The following PLGRKT variants were observed in gnomAD, a reference collection of about 807,000 sequenced individuals.
The protein encoded by PLGRKT is plasminogen receptor with a C-terminal lysine.
PLGRKT carries 22 observed loss-of-function variants against 18.5 expected under a neutral mutation model. The ratio of observed to expected loss-of-function variants is 1.19; its 90% confidence interval spans 0.85 to 1.70. PLGRKT has a LOEUF of 1.70. Among genes scored for constraint, PLGRKT ranks in the 40% most tolerant of loss-of-function variants. PLGRKT has a pLI of 0.00. For synonymous variants in PLGRKT, 72 were observed against 52.8 expected, an observed-to-expected ratio of 1.36 and a Z score of -1.58; for missense variants, 235 against 174.4, an observed-to-expected ratio of 1.35 and a Z score of -1.96.
At chr9:5,360,160 T>C (rs1817230921) in intron 5 of PLGRKT, among the ~76,000 whole-genome samples, 1 of 152,242 alleles carries the variant, frequency 6.6e-6, no homozygotes, top group African/African-American at 2.4e-5. Context: ...AAACAACTTA[T>C]TTGCTGAACT....
intron 3 of PLGRKT, among the ~76,000 whole-genome samples, chr9:5,392,139 C>G (rs1160100691): frequency 6.6e-6 from 1 of 151,884 alleles, no homozygotes; most frequent in East Asian, 1.9e-4. Context: ...GGTTTTTTTC[C>G]ACTTAAATCT....
At chr9:5,365,816 C>A (rs951089771) in intron 3 of PLGRKT, among the ~76,000 whole-genome samples, 1 of 152,108 alleles carries the variant, frequency 6.6e-6, no homozygotes, top group African/African-American at 2.4e-5. Context: ...TAAAACTACT[C>A]TCAAATTTAA....
chr9:5,412,203 A>T (rs1818379033), intron 3 of PLGRKT, among the ~76,000 whole-genome samples: 1 of 152,236 alleles, frequency 6.6e-6, no homozygotes, highest in Non-Finnish European at 1.5e-5. Flanking sequence ...ACTGGGGGTA[A>T]AGATAGACTT....
rs894245436 is a variant in PLGRKT at position 5,418,358 on chromosome 9, G to C, written c.81+13539C>G. 3 of 711,662 alleles carry C rather than the reference G, an allele frequency of 4.2e-6. No homozygotes were observed. Among genetic ancestry groups the C allele is most frequent in the African/African-American group, 3.5e-5 (2 of 56,626 alleles). The allele number at this position is 711,662 out of a possible 1,614,324, so 44.1% of individuals were successfully genotyped here. On this transcript the variant is annotated intron_variant, in intron 3 of 5. Transcript: ENST00000223864. This position sits in a 1 kb window ranked among gnomAD's most constrained non-coding sequence, Gnocchi z 4.2. ...GTTGGCACCCACAAGAGACTTCCCT[G>C]CAGCCCTCTCCAGCCACAAGATGTC... is the stretch of plus-strand genomic sequence containing the variant.
At chr9:5,420,760 C>T (rs1006408910) in intron 3 of PLGRKT, among the ~76,000 whole-genome samples, 1 of 152,284 alleles carries the variant, frequency 6.6e-6, no homozygotes, top group African/African-American at 2.4e-5. Context: ...CACCAAAAGC[C>T]TCTCTAAAAG....
rs73639298 is a variant in PLGRKT, at chr9:5,388,642, C to A, written c.82-26754G>T. On this transcript the variant is annotated intron_variant, in intron 3 of 5. Transcript: ENST00000223864. ...GAATAGCCCAAGGGCATGAGCCTAG[C>A]CCTCAGTCGCCCTGGTCCTAAAGGT... 3.4e-3 allele frequency among the ~76,000 whole-genome samples: 524 copies of A among 152,148 alleles called. 21 individuals carry two copies. The highest frequency in any genetic ancestry group is 0.012 in the African/African-American group (480 of 41,398).
At chr9:5,388,528 T>C (rs963260699) in intron 3 of PLGRKT, among the ~76,000 whole-genome samples, 6 of 151,944 alleles carry the variant, frequency 3.9e-5, no homozygotes, top group African/African-American at 1.5e-4. Flanking sequence ...TAATAAGTCT[T>C]CACAAACTGG....
rs551691405 is a variant in PLGRKT, at chr9:5,432,865, G to A, written c.-6-882C>T. Among the ~76,000 whole-genome samples, 20 of 152,234 alleles carry A rather than the reference G, an allele frequency of 1.3e-4. No homozygotes were observed. In the East Asian group the frequency reaches 3.3e-3, roughly 25 times the overall value. ...TGGCTACAACCTCCACCTCCCAGCCGCCTGCCTTGGCCTCCCAAAGTGCTA... is the reference window on the plus strand; with the variant it reads ...TGGCTACAACCTCCACCTCCCAGCCACCTGCCTTGGCCTCCCAAAGTGCTA... On this transcript the variant is annotated intron_variant, in intron 2 of 5. Transcript: ENST00000223864.
At chr9:5,377,298 C>T (rs1221278231) in intron 3 of PLGRKT, among the ~76,000 whole-genome samples, 1 of 151,374 alleles carries the variant, frequency 6.6e-6, no homozygotes, top group South Asian at 2.1e-4. Flanking sequence ...TTAAACAAGG[C>T]TGTTTTGAAA....
chr9:5,388,084 C>T (rs891601632), intron 3 of PLGRKT, among the ~76,000 whole-genome samples: 11 of 151,760 alleles, frequency 7.2e-5, no homozygotes, highest in African/African-American at 2.2e-4. Context: ...ATCAGTTATG[C>T]GGGAGTTATT....
chr9:5,398,817 A>G (rs1441902332), intron 3 of PLGRKT, among the ~76,000 whole-genome samples: 2 of 151,940 alleles, frequency 1.3e-5, no homozygotes, highest in Non-Finnish European at 2.9e-5. Flanking sequence ...TGGGGTCAGA[A>G]CAAGTCATCC....
chr9:5,375,815 G>A (rs1029453578), intron 3 of PLGRKT, among the ~76,000 whole-genome samples: 2 of 152,112 alleles, frequency 1.3e-5, no homozygotes, highest in Admixed American at 1.3e-4. Flanking sequence ...ATTAAACATA[G>A]AACTAACATA....
At chr9:5,409,109 G>A (rs573114786) in intron 3 of PLGRKT, among the ~76,000 whole-genome samples, 2 of 152,330 alleles carry the variant, frequency 1.3e-5, no homozygotes, top group South Asian at 4.1e-4. Context: ...CAGTACAGAG[G>A]GGAAATATGG....
At chr9:5,367,020 T>TACACAC (rs775299015) in intron 3 of PLGRKT, among the ~76,000 whole-genome samples, 245 of 58,208 alleles carry the variant, frequency 4.2e-3, no homozygotes, top group South Asian at 9.0e-3. Flanking sequence ...GACAGACAGA[T>TACACAC]ACACACACAT....
chr9:5,360,405 G>C (rs1431859121), intron 5 of PLGRKT, among the ~76,000 whole-genome samples: 1 of 152,168 alleles, frequency 6.6e-6, no homozygotes, highest in Non-Finnish European at 1.5e-5. Context: ...CATGGTAATG[G>C]GAAGGCAGCC....
intron 3 of PLGRKT, among the ~76,000 whole-genome samples, chr9:5,394,903 A>T (rs1445077237): frequency 6.6e-6 from 1 of 151,842 alleles, no homozygotes; most frequent in Non-Finnish European, 1.5e-5. Flanking sequence ...AGCTGACTGC[A>T]ACGGAGCCTC....
At chr9:5,399,763 T>C (rs1818120739) in intron 3 of PLGRKT, among the ~76,000 whole-genome samples, 1 of 151,504 alleles carries the variant, frequency 6.6e-6, no homozygotes, top group South Asian at 2.1e-4. Context: ...CCGAGGTGGG[T>C]GGATTCACTG....
chr9:5,396,995 T>TCTA (rs1818062346), intron 3 of PLGRKT, among the ~76,000 whole-genome samples: 1 of 152,042 alleles, frequency 6.6e-6, no homozygotes, highest in Non-Finnish European at 1.5e-5. Flanking sequence ...ATAAGACTAT[T>TCTA]CTACTAAAGC....
At chr9:5,379,115 T>C (rs1817687337) in intron 3 of PLGRKT, among the ~76,000 whole-genome samples, 1 of 152,096 alleles carries the variant, frequency 6.6e-6, no homozygotes. Context: ...AAGATTCTAA[T>C]CAGAATCAGC....
Sources: allele counts gnomAD v4.1 joint callset (sites outside exome capture counted in the v4.1 genomes callset), GRCh38; gene constraint gnomAD v4.1.1; non-coding constraint Gnocchi (gnomAD v3.1); transcripts MANE v1.5; gene names NCBI Gene and HGNC (gene_info 2026-07-23, HGNC 2026-07-21).